The following KL variants were observed in gnomAD, a reference collection of about 807,000 sequenced individuals.
KL encodes alpha-klotho.
In KL, 62 loss-of-function variants were observed where a neutral mutation model predicts 84.2. The ratio of observed to expected loss-of-function variants is 0.74; its 90% CI spans 0.60 to 0.91. The LOEUF is 0.91. Among genes scored for constraint, KL ranks in the 40% least tolerant of loss-of-function variants. The pLI is 0.00. For synonymous variants in KL, 528 were observed against 528.0 expected, an observed-to-expected ratio of 1.00 and a Z score of 0.00; for missense variants, 1,261 against 1,305.7, an observed-to-expected ratio of 0.97 and a Z score of 0.53.
At chr13:33,063,483 G>A (rs928374780) in intron 4 of KL, among the ~76,000 whole-genome samples, 3 of 152,068 alleles carry the variant, frequency 2.0e-5, no homozygotes, top group African/African-American at 4.8e-5. Flanking sequence ...GGAAGGCTAC[G>A]TAAAAGTGGC....
intron 3 of KL, 118 bp from the exon 4 acceptor site, chr13:33,060,561 C>A: frequency 8.9e-7 from 1 of 1,124,512 alleles, no homozygotes; most frequent in Non-Finnish European, 1.3e-6. Flanking sequence ...TTCACATTCT[C>A]AGCTAGAAAG....
Position 33,019,732 on chromosome 13 carries a change from T to TGTGTGA in KL, c.819+2474_819+2475insTGTGAG, listed in dbSNP as rs139721497. 6.6e-3 allele frequency among the ~76,000 whole-genome samples: 884 copies of TGTGTGA among 133,436 alleles called. 5 individuals are homozygous for TGTGTGA. Among genetic ancestry groups the TGTGTGA allele is most frequent in the African/African-American group, 0.016 (551 of 33,988 alleles). The allele number at this position is 133,436 out of a possible 152,430, so 87.5% of individuals were successfully genotyped here. On this transcript the variant is annotated intron_variant, in intron 1 of 4. Transcript: ENST00000380099. ...TGGTGTGTGTGTGTGTGTGTGTGTG[T>TGTGTGA]GAGAGAGAGAGAGAGAGAGAGAGAG...
chr13:33,018,126 A>G (rs982225505), intron 1 of KL, among the ~76,000 whole-genome samples: 96 of 152,310 alleles, frequency 6.3e-4, no homozygotes, highest in African/African-American at 2.2e-3. Flanking sequence ...TTTAGGCACC[A>G]TTGTTTTGGG....
intron 1 of KL, among the ~76,000 whole-genome samples, chr13:33,026,028 G>A (rs1870762905): frequency 6.6e-6 from 1 of 152,236 alleles, no homozygotes; most frequent in Non-Finnish European, 1.5e-5. Context: ...CGCTTATACA[G>A]TGGAATACTA....
rs9526998 is a variant in KL at position 33,039,442 on chromosome 13, G to C, written c.820-14325G>C. On this transcript the variant is annotated intron_variant, in intron 1 of 4. Coordinates refer to ENST00000380099, the MANE Select transcript of KL (RefSeq NM_004795.4). ...TGTTTCCATTCAACTTTATTGTTGT[G>C]GGGGAGTATAATACAATCTTGGTGA... Among the ~76,000 whole-genome samples the C allele has an allele frequency of 2.6e-5, 4 of 152,002 alleles. No individual in the cohort carries two copies. The East Asian group carries it at 7.7e-4, about 29-fold the overall frequency.
chr13:33,058,525 A>G (rs574132088), intron 3 of KL, among the ~76,000 whole-genome samples: 1 of 151,980 alleles, frequency 6.6e-6, no homozygotes, highest in Non-Finnish European at 1.5e-5. Context: ...TATTTTTAGT[A>G]GAGACCGGGT....
At position 33,039,848 on chromosome 13, in the gene KL, GGAAGT is replaced by G. The variant is rs145522674; in HGVS notation, c.820-13916_820-13912del. ...TGGCTGTAGCAAAACAGCTAGGCTG[GGAAGT>G]GATGCTGTTTACATTTATATGCGAT... is the stretch of plus-strand genomic sequence containing the variant. On this transcript the variant is annotated intron_variant, in intron 1 of 4. Transcript: ENST00000380099. Among the ~76,000 whole-genome samples, 484 of 152,242 alleles carry G rather than the reference GGAAGT, an allele frequency of 3.2e-3. 12 individuals carry two copies. The East Asian group carries it at 0.077, about 24-fold the overall frequency.
chr13:33,038,548 CA>C lies in KL; in HGVS notation c.820-15214del, dbSNP rs146718565. 2.1e-3 allele frequency among the ~76,000 whole-genome samples: 326 copies of C among 152,226 alleles called. 1 individual carries two copies. The highest frequency in any genetic ancestry group is 7.2e-3 in the African/African-American group (297 of 41,524). Reference sequence around the variant, plus strand: ...ATGATTTGATGAAATGCAACATGGTCAAAAACATTTTGGTGGAGAATAATTT... The same window carrying C: ...ATGATTTGATGAAATGCAACATGGTCAAAACATTTTGGTGGAGAATAATTT... On this transcript the variant is annotated intron_variant, in intron 1 of 4. Transcript: ENST00000380099.
intron 1 of KL, among the ~76,000 whole-genome samples, chr13:33,034,835 C>T (rs1242156016): frequency 6.6e-6 from 1 of 152,116 alleles, no homozygotes; most frequent in Non-Finnish European, 1.5e-5. Context: ...CCAGTGAGTT[C>T]CAAACTTTTT....
In KL at chr13:33,060,892, C is replaced by T; in HGVS notation, c.1813C>T (p.Leu605=). ...CCTGGACTGGGCCCTGATTCTCCCT[C>T]TGGGTAACCAGTCCCAGGTGAACCA... ...FSLDWALILP[L]GNQSQVNHTI... Residue 605 remains leucine (L), a synonymous_variant, in exon 4 of 5, where the codon CTG becomes TTG. Transcript: ENST00000380099. The T allele has an allele frequency of 6.2e-7, 1 of 1,614,220 alleles. No individual in the cohort carries two copies. Among genetic ancestry groups the T allele is most frequent in the Non-Finnish European group, 8.5e-7 (1 of 1,180,024 alleles).
At chr13:33,020,781 G>A (rs1870547776) in intron 1 of KL, among the ~76,000 whole-genome samples, 1 of 152,166 alleles carries the variant, frequency 6.6e-6, no homozygotes, top group Non-Finnish European at 1.5e-5. Flanking sequence ...TGGGTAATGG[G>A]AACAGCCTCA....
Position 33,060,796 on chromosome 13 carries a change from G to C in KL, c.1717G>C (p.Val573Leu). ...VVTKKRKSYC[V>L]DFAAIQPQIA... is the part of the protein sequence containing the mutation. ...GACCAAGAAGAGGAAATCCTACTGTGTTGACTTTGCTGCCATCCAGCCCCA... is the reference window on the plus strand; with the variant it reads ...GACCAAGAAGAGGAAATCCTACTGTCTTGACTTTGCTGCCATCCAGCCCCA... Residue 573 changes from valine to leucine, a missense_variant, in exon 4 of 5, where the codon GTT becomes CTT. Val to Leu is a conservative substitution (Grantham distance 32, BLOSUM62 1). Transcript: ENST00000380099. 1 of 1,614,204 alleles carries C rather than the reference G, an allele frequency of 6.2e-7. No homozygotes were observed. Among genetic ancestry groups the C allele is most frequent in the Non-Finnish European group, 8.5e-7 (1 of 1,180,052 alleles).
At chr13:33,046,937 G>A (rs764238802) in intron 1 of KL, among the ~76,000 whole-genome samples, 10 of 151,930 alleles carry the variant, frequency 6.6e-5, no homozygotes, top group Admixed American at 2.0e-4. Flanking sequence ...CAATTTCCAC[G>A]TATTTGTGAA....
chr13:33,040,831 C>T (rs147457433), intron 1 of KL, among the ~76,000 whole-genome samples: 1 of 152,184 alleles, frequency 6.6e-6, no homozygotes, highest in African/African-American at 2.4e-5. Context: ...GAACTTGATC[C>T]CTTCCCTTCC....
chr13:33,028,572 C>A (rs2138198057), intron 1 of KL, among the ~76,000 whole-genome samples: 1 of 152,178 alleles, frequency 6.6e-6, no homozygotes, highest in Non-Finnish European at 1.5e-5. Context: ...TCAGCCAGTG[C>A]AGAATGGGGG....
chr13:33,018,508 A>G (rs1410544870), intron 1 of KL, among the ~76,000 whole-genome samples: 1 of 152,252 alleles, frequency 6.6e-6, no homozygotes, highest in Non-Finnish European at 1.5e-5. Context: ...TACTGGCCAT[A>G]AAAGAATGTT....
chr13:33,051,410 A>T (rs1335867588), intron 1 of KL, among the ~76,000 whole-genome samples: 1 of 152,178 alleles, frequency 6.6e-6, no homozygotes, highest in Non-Finnish European at 1.5e-5. Context: ...AGGTGCCTGT[A>T]GTCCCAGTTA....
At chr13:33,029,070 T>A (rs906656344) in intron 1 of KL, among the ~76,000 whole-genome samples, 1 of 152,234 alleles carries the variant, frequency 6.6e-6, no homozygotes, top group Non-Finnish European at 1.5e-5. Flanking sequence ...TGTTCTGACA[T>A]TTTAAACCAT....
In KL at chr13:33,053,779, G is replaced by T; in HGVS notation, c.832G>T (p.Val278Phe). ...TTTCTCTTCATAGGCTCATGCCAAA[G>T]TCTGGCATCTCTACAATACTTCTTT... Reference protein sequence around the residue: ...AHNLLLAHAKVWHLYNTSFRP... With the variant: ...AHNLLLAHAKFWHLYNTSFRP... Residue 278 changes from valine (V) to phenylalanine (F), a missense_variant, in exon 2 of 5, where the codon GTC (valine) becomes TTC (phenylalanine). Physicochemically the swap from Val to Phe is conservative, Grantham distance 50. Transcript: ENST00000380099. 1.2e-6 allele frequency: 2 copies of T among 1,614,126 alleles called. No individual in the cohort carries two copies. Among genetic ancestry groups the T allele is most frequent in the Non-Finnish European group, 8.5e-7 (1 of 1,180,000 alleles).
Sources: gnomAD v4.1 joint callset for allele counts (sites outside exome capture counted in the v4.1 genomes callset) on GRCh38, gnomAD v4.1.1 for gene constraint, MANE v1.5 for transcripts, NCBI Gene and HGNC (gene_info 2026-07-23, HGNC 2026-07-21) for gene names.